MKLN1: variants seen among roughly 807,000 people sequenced by gnomAD.
MKLN1 encodes muskelin.
A neutral mutation model predicts 99.0 loss-of-function variants in MKLN1; 18 were observed. The ratio of observed to expected loss-of-function variants is 0.18; its 90% confidence interval spans 0.13 to 0.27. MKLN1 has a LOEUF of 0.27. Among genes scored for constraint, MKLN1 ranks in the 10% least tolerant of loss-of-function variants. MKLN1 has a pLI of 1.00. For synonymous variants in MKLN1, 288 were observed against 293.2 expected (o/e 0.98, Z 0.18); for missense variants, 621 against 875.9 (o/e 0.71, Z 3.67).
chr7:131,283,115 G>A (rs1422125710), intron 3 of MKLN1, among the ~76,000 whole-genome samples: 1 of 152,176 alleles, frequency 6.6e-6, no homozygotes, highest in African/African-American at 2.4e-5. Flanking sequence ...TTATGTTTAT[G>A]GGGATGGCTC....
chr7:131,452,132 T>A (rs945898445), intron 12 of MKLN1, among the ~76,000 whole-genome samples: 8 of 152,210 alleles, frequency 5.3e-5, no homozygotes, highest in Non-Finnish European at 1.2e-4. Context: ...AGCAGATTGG[T>A]ACCATTGAAA....
intron 12 of MKLN1, among the ~76,000 whole-genome samples, chr7:131,462,230 A>C (rs937003398): frequency 6.6e-6 from 1 of 152,066 alleles, no homozygotes; most frequent in African/African-American, 2.4e-5. Context: ...GGGTCTCACT[A>C]TGTTGCCCAG....
intron 1 of MKLN1, among the ~76,000 whole-genome samples, chr7:131,355,588 C>T (rs1430418362): frequency 2.7e-5 from 4 of 147,844 alleles, no homozygotes; most frequent in South Asian, 2.1e-4. Flanking sequence ...AACTGCTTTT[C>T]GCTTTTATGT....
intron 2 of MKLN1, among the ~76,000 whole-genome samples, chr7:131,197,540 AC>A (rs1400911092): frequency 1.3e-5 from 2 of 151,606 alleles, no homozygotes; most frequent in Non-Finnish European, 2.9e-5. Context: ...GAACCACTGC[AC>A]CTGGCCAAGA....
chr7:131,309,902 T>A (rs1798535076), intron 3 of MKLN1: 1 of 152,018 alleles, frequency 6.6e-6, no homozygotes, highest in African/African-American at 2.4e-5. Context: ...ATTTTTTGTA[T>A]TTTTAGTAGA....
chr7:131,346,928 A>G (rs1799580097), intron 1 of MKLN1, among the ~76,000 whole-genome samples: 1 of 152,266 alleles, frequency 6.6e-6, no homozygotes, highest in Non-Finnish European at 1.5e-5. Flanking sequence ...TAAGGAAAAT[A>G]TTAATGAAAA....
At chr7:131,389,049 C>G in intron 4 of MKLN1, 77 bp downstream of exon 4, 2 of 810,760 alleles carry the variant, frequency 2.5e-6, no homozygotes, top group South Asian at 1.9e-5. Flanking sequence ...TAGACCAAAT[C>G]CTGCAGGCCT....
chr7:131,284,460 T>C (rs568098648), intron 3 of MKLN1, among the ~76,000 whole-genome samples: 2 of 152,348 alleles, frequency 1.3e-5, no homozygotes, highest in South Asian at 4.1e-4. Context: ...ATATGTGGAT[T>C]GTCACGCTGA....
At chr7:131,397,586 A>G (rs1266033785) in intron 5 of MKLN1, among the ~76,000 whole-genome samples, 1 of 152,188 alleles carries the variant, frequency 6.6e-6, no homozygotes, top group Non-Finnish European at 1.5e-5. Context: ...TGCACTTATT[A>G]TCCCCATTAG....
intron 3 of MKLN1, among the ~76,000 whole-genome samples, chr7:131,254,095 G>A (rs565761587): frequency 6.6e-6 from 1 of 152,292 alleles, no homozygotes; most frequent in African/African-American, 2.4e-5. Context: ...TACCAACAGA[G>A]GCAGAGAACG....
At chr7:131,244,132 G>A (rs879434589) in intron 3 of MKLN1, among the ~76,000 whole-genome samples, 2 of 152,070 alleles carry the variant, frequency 1.3e-5, no homozygotes, top group Admixed American at 1.3e-4. Flanking sequence ...AGTGGTACCC[G>A]ATTTCCCTCT....
chr7:131,225,230 G>A (rs1284995397), intron 3 of MKLN1, among the ~76,000 whole-genome samples: 3 of 152,290 alleles, frequency 2.0e-5, no homozygotes, highest in East Asian at 1.9e-4. Flanking sequence ...TGGCAGATTC[G>A]GTGTCTGGTA....
chr7:131,389,575 AG>A (rs1251453789), intron 4 of MKLN1, among the ~76,000 whole-genome samples: 1 of 152,154 alleles, frequency 6.6e-6, no homozygotes, highest in Non-Finnish European at 1.5e-5. Context: ...TTATTTAGCA[AG>A]TATTTTAGCT....
At chr7:131,449,552 T>C (rs1022015722) in intron 12 of MKLN1, among the ~76,000 whole-genome samples, 1 of 152,190 alleles carries the variant, frequency 6.6e-6, no homozygotes, top group African/African-American at 2.4e-5. Context: ...TTGGAAAAAT[T>C]TCCCACCTAA....
chr7:131,124,148 A>T (rs961415105), intron 1 of MKLN1, among the ~76,000 whole-genome samples: 1 of 152,194 alleles, frequency 6.6e-6, no homozygotes, highest in Non-Finnish European at 1.5e-5. Context: ...AAGATCATGT[A>T]TGTAAATCAG....
At chr7:131,340,225 T>C (rs182420230) in intron 1 of MKLN1, among the ~76,000 whole-genome samples, 1 of 151,960 alleles carries the variant, frequency 6.6e-6, no homozygotes, top group Non-Finnish European at 1.5e-5. Context: ...TTTAAATGCT[T>C]TCATAGCAGT....
At chr7:131,332,435 AAT>A (rs1161141636) in intron 1 of MKLN1, among the ~76,000 whole-genome samples, 4 of 148,460 alleles carry the variant, frequency 2.7e-5, no homozygotes, top group African/African-American at 9.8e-5. Flanking sequence ...CTAAGAAAAA[AAT>A]AGACACTTTT....
At chr7:131,460,215 C>T (rs1796474771) in intron 12 of MKLN1, among the ~76,000 whole-genome samples, 1 of 151,846 alleles carries the variant, frequency 6.6e-6, no homozygotes. Context: ...TTGTCTTTTC[C>T]TGGTTGTTCT....
At chr7:131,253,294 C>T (rs573603591) in intron 3 of MKLN1, among the ~76,000 whole-genome samples, 117 of 152,232 alleles carry the variant, frequency 7.7e-4, no homozygotes, top group Non-Finnish European at 1.4e-3. Flanking sequence ...AAAAACAGAG[C>T]TCCCTCTCCT....
Sources: allele counts gnomAD v4.1 joint callset (sites outside exome capture counted in the v4.1 genomes callset), GRCh38; gene constraint gnomAD v4.1.1; transcripts MANE v1.5; gene names NCBI Gene and HGNC (gene_info 2026-07-23, HGNC 2026-07-21).